Variants in LCMT1 observed in about 807,000 individuals in gnomAD.
LCMT1 encodes [Phosphatase 2A protein]-leucine-carboxy methyltransferase 1.
Under a neutral mutation model 47.7 loss-of-function variants are expected in LCMT1, and 32 were observed. That is an observed-to-expected ratio of 0.67 (90% CI 0.51 to 0.90). The LOEUF (loss-of-function observed/expected upper bound fraction) is 0.90. Among genes scored for constraint, LCMT1 ranks in the 40% least tolerant of loss-of-function variants. The probability of loss-of-function intolerance (pLI) is 0.00; values close to 1 mark genes in which losing one functional copy is unlikely to be tolerated. For synonymous variants in LCMT1, 152 were observed against 149.7 expected (o/e 1.02, Z -0.11); for missense variants, 375 against 415.2 (o/e 0.90, Z 0.84).
Position 25,169,210 on chromosome 16 carries a change from A to G in LCMT1, c.789A>G (p.Ser263=), listed in dbSNP as rs1961679133. Reference sequence around the variant, plus strand: ...TGGAGACCTGCAAGTCATTAGAGTCACAGGTCAGAGAGCAGGGACTGGGAT... The same window carrying G: ...TGGAGACCTGCAAGTCATTAGAGTCGCAGGTCAGAGAGCAGGGACTGGGAT... ...AGVETCKSLE[S]QKERLLSNGW... is the part of the protein sequence containing the mutation. The change falls in exon 8 of 11, where the codon TCA becomes TCG. Residue 263 remains serine, a synonymous_variant. Transcript: ENST00000399069. 1 of 1,597,000 alleles carries G rather than the reference A, an allele frequency of 6.3e-7. No individual in the cohort carries two copies.
At chr16:25,132,170 G>C (rs1960366231) in intron 2 of LCMT1, 4 of 526,384 alleles carry the variant, frequency 7.6e-6, no homozygotes, top group Admixed American at 2.8e-5. Context: ...TTTTTTCAAA[G>C]GTAGTTAATT....
At chr16:25,150,106 G>A (rs887611168) in intron 4 of LCMT1, among the ~76,000 whole-genome samples, 6 of 152,020 alleles carry the variant, frequency 3.9e-5, no homozygotes, top group Non-Finnish European at 7.4e-5. Context: ...TGTGTGCTGA[G>A]AGCTTTCATA....
At chr16:25,155,352 C>T (rs1961222068) in intron 5 of LCMT1, among the ~76,000 whole-genome samples, 1 of 151,974 alleles carries the variant, frequency 6.6e-6, no homozygotes, top group Non-Finnish European at 1.5e-5. Context: ...GGGAGCATTG[C>T]TGAGGGCACC....
In LCMT1 at chr16:25,170,760, A is replaced by G; in HGVS notation, c.839A>G (p.Asp280Gly). ...GGGTGGGAAACAGCATCGGCCGTCGACATGATGGAGTTGTACAACAGGTTA... is the reference window on the plus strand; with the variant it reads ...GGGTGGGAAACAGCATCGGCCGTCGGCATGATGGAGTTGTACAACAGGTTA... ...SNGWETASAV[D>G]MMELYNRLPR... The change falls in exon 9 of 11, where the codon GAC (aspartate) becomes GGC (glycine). Residue 280 changes from aspartate (D) to glycine (G), a missense_variant. Transcript: ENST00000399069. The G allele has an allele frequency of 6.2e-7, 1 of 1,613,676 alleles. No individual in the cohort carries two copies. Among genetic ancestry groups the G allele is most frequent in the Non-Finnish European group, 8.5e-7 (1 of 1,179,666 alleles).
At chr16:25,155,274 G>GT (rs1361071118) in intron 5 of LCMT1, among the ~76,000 whole-genome samples, 2 of 152,048 alleles carry the variant, frequency 1.3e-5, no homozygotes, top group African/African-American at 4.8e-5. Flanking sequence ...GTCAGAAGGT[G>GT]TTTTTAAAAA....
chr16:25,144,879 C>T (rs768120027), intron 4 of LCMT1: 4 of 152,232 alleles, frequency 2.6e-5, no homozygotes, highest in Admixed American at 1.3e-4. Context: ...CCTAGTCTCT[C>T]ACAAACATAC....
At chr16:25,160,792 G>T in intron 5 of LCMT1, 1 of 558,788 alleles carries the variant, frequency 1.8e-6, no homozygotes, top group Non-Finnish European at 3.5e-6. Context: ...CCACATATTG[G>T]GTGGTCCCAT....
At position 25,165,664 on chromosome 16, in the gene LCMT1, T is replaced by G. The variant is rs189213148; in HGVS notation, c.690+946T>G. Among the ~76,000 whole-genome samples, 241 of 151,968 alleles carry G rather than the reference T, an allele frequency of 1.6e-3. 2 individuals carry two copies. The highest frequency in any genetic ancestry group is 5.6e-3 in the African/African-American group (234 of 41,460). On this transcript the variant is annotated intron_variant, in intron 7 of 10. Transcript: ENST00000399069. ...TTCCAAGTAGCTGGGATCACAGGCG[T>G]GCACCATCACACCCAGCTAATTTTG... is the stretch of plus-strand genomic sequence containing the variant.
chr16:25,161,501 C>T (rs1177389797), intron 6 of LCMT1, among the ~76,000 whole-genome samples: 2 of 152,052 alleles, frequency 1.3e-5, no homozygotes, highest in African/African-American at 2.4e-5. Context: ...GGATTACAGG[C>T]ATGCGCCACC....
intron 10 of LCMT1, 42 bp downstream of exon 10, chr16:25,175,076 A>G (rs1247665731): frequency 1.2e-5 from 13 of 1,086,602 alleles, no homozygotes; most frequent in Non-Finnish European, 1.8e-5. Context: ...GGAAATAGTG[A>G]ACTTTTCTTT....
intron 1 of LCMT1, among the ~76,000 whole-genome samples, chr16:25,114,520 C>T (rs540822375): frequency 6.6e-6 from 1 of 152,238 alleles, no homozygotes; most frequent in South Asian, 2.1e-4. Flanking sequence ...CTCTCCTTCC[C>T]TTCTCTGCTC....
chr16:25,134,960 G>A (rs1262165830), intron 3 of LCMT1, among the ~76,000 whole-genome samples: 3 of 152,198 alleles, frequency 2.0e-5, no homozygotes, highest in Non-Finnish European at 4.4e-5. Context: ...CCAGAGCACA[G>A]TACAGTGTGA....
At position 25,132,543 on chromosome 16, in the gene LCMT1, C is replaced by T; in HGVS notation, c.327+20C>T. 6.2e-7 allele frequency: 1 copy of T among 1,611,472 alleles called. No individual in the cohort carries two copies. The highest frequency in any genetic ancestry group is 2.2e-5 in the East Asian group (1 of 44,842). Reference sequence around the variant, plus strand: ...TTAAAGGTATGTTCAAATTCCCCTCCTCCCTCCCCAAGTGTTTAGATTTTT... The same window carrying T: ...TTAAAGGTATGTTCAAATTCCCCTCTTCCCTCCCCAAGTGTTTAGATTTTT... On this transcript the variant is annotated intron_variant, in intron 3 of 10. Transcript: ENST00000399069.
intron 1 of LCMT1, among the ~76,000 whole-genome samples, chr16:25,117,278 G>T (rs1005803944): frequency 6.6e-6 from 1 of 152,198 alleles, no homozygotes; most frequent in Admixed American, 6.5e-5. Flanking sequence ...TGGCCAGGGT[G>T]ATTGTCAGGA....
intron 6 of LCMT1, 52 bp downstream of exon 6, chr16:25,161,256 A>G (rs946527334): frequency 2.0e-6 from 2 of 977,744 alleles, no homozygotes; most frequent in African/African-American, 1.6e-5. Flanking sequence ...TATGCTAATT[A>G]TGAGATAAGG....
chr16:25,163,421 A>G (rs563925062), intron 6 of LCMT1, among the ~76,000 whole-genome samples: 1 of 150,022 alleles, frequency 6.7e-6, no homozygotes, highest in Non-Finnish European at 1.5e-5. Context: ...GTGAGCTGAG[A>G]TCGTGCCACT....
At chr16:25,158,069 T>G (rs1188253752) in intron 5 of LCMT1, among the ~76,000 whole-genome samples, 1 of 152,266 alleles carries the variant, frequency 6.6e-6, no homozygotes, top group Non-Finnish European at 1.5e-5. Flanking sequence ...ATGCGTGCCC[T>G]GTAGGGCACT....
intron 3 of LCMT1, among the ~76,000 whole-genome samples, chr16:25,136,090 CAAAAAAAAAAAA>C (rs36051960): frequency 4.3e-5 from 3 of 69,178 alleles, no homozygotes; most frequent in South Asian, 5.4e-4. Context: ...GATGCTGTCT[CAAAAAAAAAAAA>C]AAAAAAAAAG....
chr16:25,174,873 A>C, intron 9 of LCMT1, 64 bp from the exon 10 acceptor site: 4 of 741,166 alleles, frequency 5.4e-6, no homozygotes, highest in South Asian at 2.1e-5. Flanking sequence ...ATCCGTAGCT[A>C]TGGGCCATGA....
Sources: gnomAD v4.1 joint callset for allele counts (sites outside exome capture counted in the v4.1 genomes callset) on GRCh38, gnomAD v4.1.1 for gene constraint, MANE v1.5 for transcripts, NCBI Gene and HGNC (gene_info 2026-07-23, HGNC 2026-07-21) for gene names.